PDLIM5: variants seen among roughly 807,000 people sequenced by gnomAD.
PDLIM5 encodes PDZ and LIM domain protein 5.
A neutral mutation model predicts 64.2 loss-of-function variants in PDLIM5; 34 were observed. The observed-to-expected ratio is 0.53, with a 90% CI of 0.40 to 0.71. PDLIM5 has a LOEUF of 0.71. Ranked by LOEUF, PDLIM5 falls within the 30% of genes least tolerant of loss-of-function variation. PDLIM5 has a pLI of 0.00. For synonymous variants in PDLIM5, 253 were observed against 269.1 expected, an observed-to-expected ratio of 0.94 and a Z score of 0.59; for missense variants, 683 against 733.6, an observed-to-expected ratio of 0.93 and a Z score of 0.80.
intron 2 of PDLIM5, among the ~76,000 whole-genome samples, chr4:94,459,991 G>A (rs1221660207): frequency 1.3e-5 from 2 of 152,166 alleles, no homozygotes; most frequent in Non-Finnish European, 2.9e-5. Flanking sequence ...GCTGAAATGA[G>A]AGAGCCATCC....
At chr4:94,496,620 G>C (rs1420808234) in intron 2 of PDLIM5, among the ~76,000 whole-genome samples, 1 of 152,160 alleles carries the variant, frequency 6.6e-6, no homozygotes, top group Non-Finnish European at 1.5e-5. Context: ...CTCCCAAGTA[G>C]CTGGGACAAC....
chr4:94,648,291 A>G (rs1214803399), intron 9 of PDLIM5, among the ~76,000 whole-genome samples: 1 of 152,094 alleles, frequency 6.6e-6, no homozygotes. Flanking sequence ...GACTCAAATT[A>G]CTAAAAATGA....
chr4:94,640,634 AAT>A (rs1418160182), intron 9 of PDLIM5, among the ~76,000 whole-genome samples, 184 bp downstream of exon 9: 1 of 152,128 alleles, frequency 6.6e-6, no homozygotes, highest in African/African-American at 2.4e-5. Flanking sequence ...AATGAAAGGT[AAT>A]ACGGAGGTCT....
chr4:94,582,646 A>G (rs1271179985), intron 5 of PDLIM5: 12 of 905,756 alleles, frequency 1.3e-5, no homozygotes, highest in Non-Finnish European at 1.9e-5. Context: ...TCTGTTGTTC[A>G]TCTTCCGGGG....
intron 3 of PDLIM5, 88 bp downstream of exon 3, chr4:94,523,963 T>C (rs2110135405): frequency 1.2e-6 from 1 of 863,402 alleles, no homozygotes; most frequent in Non-Finnish European, 1.8e-6. Flanking sequence ...TAACTAAGAC[T>C]CAGTTTCTGC....
chr4:94,479,144 C>A (rs1228556002), intron 2 of PDLIM5, among the ~76,000 whole-genome samples: 1 of 151,652 alleles, frequency 6.6e-6, no homozygotes, highest in African/African-American at 2.4e-5. Context: ...AAGCAATCCT[C>A]CCACCTCGGC....
intron 8 of PDLIM5, among the ~76,000 whole-genome samples, chr4:94,630,048 A>G (rs143770615): frequency 6.6e-6 from 1 of 152,310 alleles, no homozygotes; most frequent in African/African-American, 2.4e-5. Context: ...CAGAGAAGAA[A>G]GCACTTGCTG....
At chr4:94,612,193 G>C (rs1172226607) in intron 7 of PDLIM5, among the ~76,000 whole-genome samples, 3 of 152,158 alleles carry the variant, frequency 2.0e-5, no homozygotes, top group Non-Finnish European at 4.4e-5. Context: ...ACTCCAGCCT[G>C]GGCGACAGGG....
intron 9 of PDLIM5, among the ~76,000 whole-genome samples, chr4:94,644,920 T>TAA (rs1560762113): frequency 1.3e-5 from 2 of 149,862 alleles, no homozygotes; most frequent in Admixed American, 1.3e-4. Context: ...CTTTTTTTTT[T>TAA]AATTTTTTAT....
chr4:94,658,421 T>G (rs926275907), intron 11 of PDLIM5, among the ~76,000 whole-genome samples: 5 of 152,250 alleles, frequency 3.3e-5, no homozygotes, highest in African/African-American at 1.2e-4. Context: ...GTAAGTGAAC[T>G]TTTATAACAT....
intron 2 of PDLIM5, among the ~76,000 whole-genome samples, chr4:94,465,488 C>T (rs1363302803): frequency 1.3e-5 from 2 of 152,166 alleles, no homozygotes; most frequent in East Asian, 1.9e-4. Flanking sequence ...ATAACCTCCA[C>T]GTCCTGGGTT....
At chr4:94,555,442 A>G (rs1486250438) in intron 3 of PDLIM5, among the ~76,000 whole-genome samples, 1 of 152,236 alleles carries the variant, frequency 6.6e-6, no homozygotes, top group African/African-American at 2.4e-5. Flanking sequence ...ATCTGTATAT[A>G]CATGGAGAAA....
chr4:94,474,740 C>A (rs749297865), intron 2 of PDLIM5, among the ~76,000 whole-genome samples: 1 of 152,206 alleles, frequency 6.6e-6, no homozygotes, highest in Non-Finnish European at 1.5e-5. Flanking sequence ...ATCTCCATCT[C>A]TTGGACTCAA....
At position 94,665,295 on chromosome 4, in the gene PDLIM5, A is replaced by G. The variant is rs1743017109; in HGVS notation, c.*1228A>G. The G allele has an allele frequency of 3.9e-6, 1 of 258,008 alleles. No individual in the cohort carries two copies. The allele number at this position is 258,008 out of a possible 1,614,324, so 16.0% of individuals were successfully genotyped here. On this transcript the variant is annotated 3_prime_UTR_variant, in exon 13 of 13. Coordinates refer to ENST00000317968, the MANE Select transcript of PDLIM5 (RefSeq NM_006457.5). ...TCAAGAGATCAAGATCATCCTGGCC[A>G]ACATGGTGAAACCCTGTCTCTACTA...
In PDLIM5 at chr4:94,455,828, T is replaced by G. The variant is rs763625749; in HGVS notation, c.96+444T>G. On this transcript the variant is annotated intron_variant, in intron 2 of 12. Transcript: ENST00000317968. ...GGAATTATTTCCTCAGCTCACTTTC[T>G]GGTGGAGGTGATAGCCAACAGTAAG... is the stretch of plus-strand genomic sequence containing the variant. The G allele has an allele frequency of 2.1e-6, 3 of 1,460,218 alleles. No homozygotes were observed. The South Asian group carries it at 3.6e-5, about 18-fold the overall frequency. The allele number at this position is 1,460,218 out of a possible 1,614,324, so 90.5% of individuals were successfully genotyped here.
chr4:94,583,871 A>G (rs1216587611), intron 5 of PDLIM5, among the ~76,000 whole-genome samples: 2 of 152,212 alleles, frequency 1.3e-5, no homozygotes, highest in Non-Finnish European at 2.9e-5. Flanking sequence ...AGCACTTTAC[A>G]TACATTATCT....
At chr4:94,635,725 C>A (rs1468485134) in intron 8 of PDLIM5, among the ~76,000 whole-genome samples, 8 of 152,202 alleles carry the variant, frequency 5.3e-5, no homozygotes, top group Admixed American at 3.3e-4. Context: ...TCCCTCTTCC[C>A]CGTAAGCCAA....
intron 8 of PDLIM5, among the ~76,000 whole-genome samples, chr4:94,632,074 GGCTCTTAGCATAA>G (rs372870316): frequency 3.3e-5 from 5 of 152,232 alleles, no homozygotes; most frequent in African/African-American, 1.2e-4. Context: ...CCGCATTACA[GGCTCTTAGCATAA>G]ACTTGTGAGT....
intron 2 of PDLIM5, among the ~76,000 whole-genome samples, chr4:94,510,806 G>A (rs899147970): frequency 1.1e-4 from 16 of 151,996 alleles, no homozygotes; most frequent in African/African-American, 3.4e-4. Flanking sequence ...TCAGGAATTC[G>A]AGACCAGCCT....
Sources: gnomAD v4.1 joint callset for allele counts (sites outside exome capture counted in the v4.1 genomes callset) on GRCh38, gnomAD v4.1.1 for gene constraint, MANE v1.5 for transcripts, NCBI Gene and HGNC (gene_info 2026-07-23, HGNC 2026-07-21) for gene names.